Variants in DMD observed in about 807,000 individuals in gnomAD.
DMD encodes the protein mutant dystrophin.
In DMD, 63 loss-of-function variants were observed where a neutral mutation model predicts 330.1. That is an observed-to-expected ratio of 0.19 (90% CI 0.16 to 0.24). The LOEUF (loss-of-function observed/expected upper bound fraction) is 0.24. DMD is among the 10% of genes least tolerant of loss of function. DMD has a pLI of 1.00. For synonymous variants in DMD, 1,223 were observed against 959.8 expected (o/e 1.27, Z -5.07); for missense variants, 3,344 against 2,684.1 (o/e 1.25, Z -5.43).
intron 52 of DMD, among the ~76,000 whole-genome samples, chrX:31,710,855 C>T (rs1203667404): frequency 1.8e-5 from 2 of 111,012 alleles, no homozygotes; most frequent in Non-Finnish European, 3.8e-5. Context: ...CTATCAATGA[C>T]CTCTTTATGC....
intron 47 of DMD, among the ~76,000 whole-genome samples, chrX:31,878,874 G>A (rs1333593474): frequency 1.8e-5 from 2 of 112,158 alleles, no homozygotes; most frequent in Non-Finnish European, 3.8e-5. Flanking sequence ...GTGGGAAAAT[G>A]CAGACTCTTC....
intron 2 of DMD, among the ~76,000 whole-genome samples, chrX:32,899,983 A>T (rs2086096404): frequency 8.9e-6 from 1 of 111,798 alleles, no homozygotes; most frequent in African/African-American, 3.2e-5. Context: ...GATAAAAAAA[A>T]GAAAGTTTGT....
Position 32,588,045 on chromosome X carries a change from C to T in DMD, c.1602+7712G>A, listed in dbSNP as rs952992099. 3.6e-5 allele frequency among the ~76,000 whole-genome samples: 4 copies of T among 111,206 alleles called. No homozygotes were observed. The Admixed American group carries it at 3.8e-4, about 11-fold the overall frequency. On this transcript the variant is annotated intron_variant, in intron 13 of 78. Coordinates refer to ENST00000357033, the MANE Select transcript of DMD (RefSeq NM_004006.3). The stretch of plus-strand genomic sequence containing the variant: ...AGAGTTTCTCCTCTTAATTACCTTA[C>T]AACAAAAAGCTCTCCCTTTTAAGTC...
chrX:32,637,677 G>A (rs1319887899), intron 11 of DMD, among the ~76,000 whole-genome samples: 6 of 111,328 alleles, frequency 5.4e-5, no homozygotes, highest in Non-Finnish European at 3.8e-5. Context: ...ATGATGGAAG[G>A]GGAAGCAAAC....
intron 41 of DMD, among the ~76,000 whole-genome samples, chrX:32,337,051 G>A (rs922557652): frequency 9.0e-6 from 1 of 111,427 alleles, no homozygotes; most frequent in Non-Finnish European, 1.9e-5. Flanking sequence ...TATGGTGTAA[G>A]TGGGGAAAGA....
At chrX:32,243,064 A>C (rs1245265032) in intron 43 of DMD, among the ~76,000 whole-genome samples, 1 of 108,698 alleles carries the variant, frequency 9.2e-6, no homozygotes, top group Non-Finnish European at 1.9e-5. Context: ...CCAAGCAAGC[A>C]GGCAGACAGG....
intron 74 of DMD, among the ~76,000 whole-genome samples, chrX:31,162,557 C>G (rs1162309308): frequency 1.8e-5 from 2 of 108,954 alleles, no homozygotes; most frequent in African/African-American, 6.7e-5. Context: ...CACCAGAACA[C>G]AATTTGATTT....
chrX:31,127,533 G>GT (rs1003476967), intron 77 of DMD, among the ~76,000 whole-genome samples: 2 of 111,925 alleles, frequency 1.8e-5, no homozygotes, highest in African/African-American at 6.5e-5. Flanking sequence ...TAAAATCTTG[G>GT]TTTTCAAACT....
intron 51 of DMD, among the ~76,000 whole-genome samples, chrX:31,746,630 T>A (rs1214130175): frequency 2.7e-5 from 3 of 111,572 alleles, no homozygotes; most frequent in African/African-American, 6.5e-5. Flanking sequence ...TCCATGAGGT[T>A]TCAGCCTTCT....
At chrX:33,103,553 C>T (rs991807814) in intron 1 of DMD, among the ~76,000 whole-genome samples, 1 of 110,617 alleles carries the variant, frequency 9.0e-6, no homozygotes, top group African/African-American at 3.3e-5. Context: ...AGAGAACAAC[C>T]CCTCTTTGTA....
chrX:33,172,219 A>C (rs1196723896), intron 1 of DMD, among the ~76,000 whole-genome samples: 2 of 111,233 alleles, frequency 1.8e-5, no homozygotes, highest in South Asian at 7.4e-4. Flanking sequence ...TTTTCTGCAT[A>C]ATTCCCCGCC....
At chrX:33,231,981 A>G (rs971560616) in intron 1 of DMD, among the ~76,000 whole-genome samples, 2 of 111,742 alleles carry the variant, frequency 1.8e-5, no homozygotes, top group African/African-American at 6.5e-5. Flanking sequence ...GTGACAGAGC[A>G]GAACAAAAAA....
chrX:32,782,995 A>T (rs1210350442), intron 7 of DMD, among the ~76,000 whole-genome samples: 2 of 104,533 alleles, frequency 1.9e-5, no homozygotes, highest in East Asian at 6.0e-4. Context: ...TGGTGTGTGT[A>T]TATATACACA....
chrX:32,043,851 T>G (rs1260035749), intron 44 of DMD, among the ~76,000 whole-genome samples: 1 of 112,107 alleles, frequency 8.9e-6, no homozygotes, highest in East Asian at 2.8e-4. Context: ...GGAAAGATAA[T>G]TTTTTTCTAG....
chrX:32,815,520 T>TACACACAC (rs1557051739), intron 6 of DMD, among the ~76,000 whole-genome samples: 1,071 of 78,818 alleles, frequency 0.014, 11 homozygotes, highest in Admixed American at 0.017. Flanking sequence ...TATATATATA[T>TACACACAC]ACACACACAC....
chrX:31,661,437 GC>G (rs1209026499), intron 53 of DMD, among the ~76,000 whole-genome samples: 3 of 106,669 alleles, frequency 2.8e-5, no homozygotes. Flanking sequence ...TATTCTGCCC[GC>G]CCACCTTGGG....
rs1171411523 is a variant in DMD at position 33,006,427 on chromosome X, T to C, written c.93+13712A>G. Among the ~76,000 whole-genome samples, 22 of 111,752 alleles carry C rather than the reference T, an allele frequency of 2.0e-4. No homozygotes were observed. In the Admixed American group the frequency reaches 2.0e-3, roughly 10 times the overall value. ...TCAATAGAACAGAATAGTGTGGAAA[T>C]AGACCCACATGAATACAGTTTACTG... On this transcript the variant is annotated intron_variant, in intron 2 of 78. Transcript: ENST00000357033.
intron 48 of DMD, among the ~76,000 whole-genome samples, chrX:31,867,091 G>GATATATATATATATATATATAT (rs35804192): frequency 2.0e-5 from 2 of 101,312 alleles, no homozygotes; most frequent in African/African-American, 7.2e-5. Context: ...AACATATTTT[G>GATATATATATATATATATATAT]ATATATATAT....
chrX:32,601,755 A>T (rs1023747998), intron 12 of DMD, among the ~76,000 whole-genome samples: 13 of 111,868 alleles, frequency 1.2e-4, no homozygotes, highest in Non-Finnish European at 2.1e-4. Flanking sequence ...ACCAAGCCTC[A>T]GCTTCCTAAT....
Sources: gnomAD v4.1 joint callset for allele counts (sites outside exome capture counted in the v4.1 genomes callset) on GRCh38, gnomAD v4.1.1 for gene constraint, MANE v1.5 for transcripts, NCBI Gene and HGNC (gene_info 2026-07-23, HGNC 2026-07-21) for gene names.